ADK: variants seen among roughly 807,000 people sequenced by gnomAD.
The protein encoded by ADK is adenosine kinase, also known as N6,N6-dimethyladenosine kinase.
Under a neutral mutation model 44.7 loss-of-function variants are expected in ADK, and 24 were observed. The ratio of observed to expected loss-of-function variants is 0.54; its 90% CI spans 0.39 to 0.76. The LOEUF (loss-of-function observed/expected upper bound fraction) is 0.76. ADK is among the 30% of genes least tolerant of loss of function. The probability of loss-of-function intolerance (pLI) is 0.00; values close to 1 mark genes in which losing one functional copy is unlikely to be tolerated. For synonymous variants in ADK, 128 were observed against 142.6 expected, an observed-to-expected ratio of 0.90 and a Z score of 0.73; for missense variants, 321 against 425.1, an observed-to-expected ratio of 0.76 and a Z score of 2.15.
At chr10:74,390,533 G>A (rs1843296016) in intron 4 of ADK, among the ~76,000 whole-genome samples, 1 of 152,114 alleles carries the variant, frequency 6.6e-6, no homozygotes, top group African/African-American at 2.4e-5. Flanking sequence ...ATGTATGTGT[G>A]TGTATTTTCC....
intron 9 of ADK, among the ~76,000 whole-genome samples, chr10:74,649,106 C>T (rs926089555): frequency 1.3e-5 from 2 of 151,416 alleles, no homozygotes; most frequent in African/African-American, 4.9e-5. Flanking sequence ...ACTTGAACCC[C>T]GGAGGTAGGG....
Position 74,465,756 on chromosome 10 carries a change from G to C in ADK, c.556-59500G>C, listed in dbSNP as rs528583954. On this transcript the variant is annotated intron_variant, in intron 6 of 10. Transcript: ENST00000539909. ...AGGGTGGAAGCTTCATTAACTAAGAGAGGGTAAATGGGGATAATTTGGTCT... is the reference window on the plus strand; with the variant it reads ...AGGGTGGAAGCTTCATTAACTAAGACAGGGTAAATGGGGATAATTTGGTCT... Among the ~76,000 whole-genome samples the C allele has an allele frequency of 8.1e-4, 124 of 152,276 alleles. 1 individual carries two copies. The highest frequency in any genetic ancestry group is 1.6e-3 in the Non-Finnish European group (108 of 68,008).
At chr10:74,529,596 G>T (rs1375218183) in intron 7 of ADK, among the ~76,000 whole-genome samples, 2 of 152,086 alleles carry the variant, frequency 1.3e-5, no homozygotes, top group Non-Finnish European at 2.9e-5. Flanking sequence ...GCTTAGCATA[G>T]ATTATTAAAG....
At chr10:74,580,150 C>G (rs544684790) in intron 7 of ADK, among the ~76,000 whole-genome samples, 2 of 152,288 alleles carry the variant, frequency 1.3e-5, no homozygotes, top group South Asian at 4.1e-4. Flanking sequence ...GGCTGTGTCC[C>G]CATCCAAATC....
At chr10:74,420,005 A>G (rs1032267073) in intron 6 of ADK, among the ~76,000 whole-genome samples, 2 of 152,184 alleles carry the variant, frequency 1.3e-5, no homozygotes, top group African/African-American at 4.8e-5. Flanking sequence ...TGCTATCTGA[A>G]TATTTTTAAA....
chr10:74,313,653 C>T (rs1191143806), intron 3 of ADK, among the ~76,000 whole-genome samples: 1 of 151,668 alleles, frequency 6.6e-6, no homozygotes, highest in Non-Finnish European at 1.5e-5. Flanking sequence ...AGTCCCTAAT[C>T]CCTTGTAAAA....
At chr10:74,583,094 ATAAAG>A (rs1398730987) in intron 7 of ADK, among the ~76,000 whole-genome samples, 2 of 152,242 alleles carry the variant, frequency 1.3e-5, no homozygotes, top group African/African-American at 2.4e-5. Context: ...GATAGATAAC[ATAAAG>A]TAAAGGTAAC....
chr10:74,324,795 C>T (rs766205346), intron 4 of ADK, among the ~76,000 whole-genome samples: 36 of 152,180 alleles, frequency 2.4e-4, no homozygotes, highest in Admixed American at 1.2e-3. Context: ...CATGTTGTAC[C>T]GTTAATTTCT....
chr10:74,524,245 TTTTAAAGAAA>T (rs1452187233), intron 6 of ADK, among the ~76,000 whole-genome samples: 4 of 152,332 alleles, frequency 2.6e-5, no homozygotes, highest in Admixed American at 2.0e-4. Context: ...TGACATGAAA[TTTTAAAGAAA>T]TTTAAAGAAA....
intron 6 of ADK, among the ~76,000 whole-genome samples, chr10:74,502,358 TAGAG>T (rs1374099578): frequency 2.0e-5 from 3 of 152,022 alleles, no homozygotes; most frequent in African/African-American, 7.2e-5. Flanking sequence ...AATGTAGACA[TAGAG>T]AGTGTTTATT....
intron 7 of ADK, among the ~76,000 whole-genome samples, chr10:74,547,423 T>C (rs1258584203): frequency 2.2e-5 from 3 of 138,900 alleles, no homozygotes; most frequent in South Asian, 2.1e-4. Flanking sequence ...ACATCATTTT[T>C]CCCACTTTAT....
intron 4 of ADK, among the ~76,000 whole-genome samples, chr10:74,342,682 C>T (rs1328283973): frequency 6.6e-6 from 1 of 152,032 alleles, no homozygotes; most frequent in African/African-American, 2.4e-5. Context: ...GCCATGTTGC[C>T]CAGGCTGGTC....
chr10:74,389,625 G>A (rs1843269869), intron 4 of ADK, among the ~76,000 whole-genome samples: 1 of 151,212 alleles, frequency 6.6e-6, no homozygotes, highest in Admixed American at 6.6e-5. Context: ...GTTAAACTCT[G>A]GTTTTAGAAT....
intron 6 of ADK, among the ~76,000 whole-genome samples, chr10:74,484,710 T>C (rs1847203891): frequency 6.6e-6 from 1 of 152,194 alleles, no homozygotes; most frequent in Non-Finnish European, 1.5e-5. Context: ...ATTTTTGTAA[T>C]ATAGCAGTTC....
chr10:74,662,997 G>T (rs12782778), intron 9 of ADK, among the ~76,000 whole-genome samples: 1 of 152,072 alleles, frequency 6.6e-6, no homozygotes, highest in African/African-American at 2.4e-5. Flanking sequence ...GGGAGGCCAA[G>T]GTGGGTGGAT....
Position 74,233,023 on chromosome 10 carries a change from A to G in ADK, c.194+8432A>G, listed in dbSNP as rs1404415102. Among the ~76,000 whole-genome samples the G allele has an allele frequency of 6.6e-5, 10 of 152,220 alleles. No homozygotes were observed. The East Asian group carries it at 1.7e-3, about 26-fold the overall frequency. On this transcript the variant is annotated intron_variant, in intron 3 of 10. Transcript: ENST00000539909. ...GGTGGTAAAATCTTAAAATCCTTAA[A>G]GAATTAATTTAAATTGCTACCTTCT...
chr10:74,545,748 A>T (rs1330763579), intron 7 of ADK, among the ~76,000 whole-genome samples: 3 of 152,210 alleles, frequency 2.0e-5, no homozygotes, highest in Non-Finnish European at 4.4e-5. Context: ...TGTAATGAAC[A>T]ATTCATTCTG....
intron 2 of ADK, among the ~76,000 whole-genome samples, chr10:74,206,460 G>A (rs1298219985): frequency 6.6e-6 from 1 of 152,174 alleles, no homozygotes; most frequent in African/African-American, 2.4e-5. Flanking sequence ...GTAGCTACTG[G>A]ATAAAACTGT....
At chr10:74,644,768 A>ATCC (rs1853998513) in intron 9 of ADK, among the ~76,000 whole-genome samples, 1 of 152,094 alleles carries the variant, frequency 6.6e-6, no homozygotes, top group African/African-American at 2.4e-5. Flanking sequence ...GCCTCAAGTG[A>ATCC]TCCTCTTGCC....
Sources: gnomAD v4.1 joint callset for allele counts (sites outside exome capture counted in the v4.1 genomes callset) on GRCh38, gnomAD v4.1.1 for gene constraint, MANE v1.5 for transcripts, NCBI Gene and HGNC (gene_info 2026-07-23, HGNC 2026-07-21) for gene names.